Variants in GNAS observed in about 807,000 individuals in gnomAD.
The protein encoded by GNAS is GNAS complex locus.
A neutral mutation model predicts 54.5 loss-of-function variants in GNAS; 8 were observed. That is an observed-to-expected ratio of 0.15 (90% CI 0.09 to 0.26). The LOEUF (loss-of-function observed/expected upper bound fraction) is 0.26, where lower values mean the gene tolerates loss of function less well. GNAS is among the 10% of genes least tolerant of loss of function. GNAS has a pLI of 1.00. For synonymous variants in GNAS, 204 were observed against 191.4 expected, an observed-to-expected ratio of 1.07 and a Z score of -0.54; for missense variants, 170 against 529.8, an observed-to-expected ratio of 0.32 and a Z score of 6.67.
At chr20:58,855,799 T>A (rs2086468775) in intron 1 of GNAS, 2 of 606,572 alleles carry the variant, frequency 3.3e-6, no homozygotes, top group East Asian at 5.5e-5. Context: ...TTGGTGTGTG[T>A]TGGTGTCCAT....
At chr20:58,868,433 C>T (rs549125688) in intron 1 of GNAS, among the ~76,000 whole-genome samples, 26 of 151,880 alleles carry the variant, frequency 1.7e-4, no homozygotes, top group African/African-American at 4.8e-4. Context: ...GGATTACAGG[C>T]GTGAACCACC....
In GNAS at chr20:58,873,240, G is replaced by A. The variant is rs1342748186; in HGVS notation, c.44-22372G>A. On this transcript the variant is annotated intron_variant, in intron 1 of 12. Coordinates refer to the GNAS transcript ENST00000306090. This position sits in a 1 kb window ranked among gnomAD's most constrained non-coding sequence, Gnocchi z 4.3. ...AAAATGGGCCTTCTGTGACATTTTGGAATTGTCAGGGAGTTAGGGGTCACG... is the reference window on the plus strand; with the variant it reads ...AAAATGGGCCTTCTGTGACATTTTGAAATTGTCAGGGAGTTAGGGGTCACG... Among the ~76,000 whole-genome samples the A allele has an allele frequency of 6.6e-6, 1 of 152,056 alleles. No individual in the cohort carries two copies. The highest frequency in any genetic ancestry group is 1.5e-5 in the Non-Finnish European group (1 of 67,986).
At chr20:58,867,593 C>G (rs1401618276) in intron 1 of GNAS, 1 of 152,204 alleles carries the variant, frequency 6.6e-6, no homozygotes, top group African/African-American at 2.4e-5. Context: ...ACAAACAGCA[C>G]TGGGTTAGAA....
At chr20:58,898,620 A>G (rs975093017) in intron 2 of GNAS, 2 of 455,866 alleles carry the variant, frequency 4.4e-6, no homozygotes, top group African/African-American at 1.9e-5. Flanking sequence ...TCACTGCTTT[A>G]GCTCCCTAAT....
intron 2 of GNAS, among the ~76,000 whole-genome samples, chr20:58,896,853 G>GGTA (rs1236783283): frequency 1.3e-5 from 2 of 151,970 alleles, no homozygotes; most frequent in Non-Finnish European, 2.9e-5. Flanking sequence ...GAGTCAAGGT[G>GGTA]GTAGCGTTTA....
rs893327176 is a variant in GNAS at position 58,910,710 on chromosome 20, C to T, written c.1066C>T (p.Arg356Cys). Residue 356 changes from arginine to cysteine, a missense_variant, in exon 13 of 13, where the codon CGT becomes TGT. This residue lies in a region of GNAS where 36 missense variants were observed against 223.0 expected (regional missense o/e 0.16). Transcript: ENST00000371085. The surrounding 1 kb of genome is among the most constrained non-coding windows in gnomAD (Gnocchi z 5.8). The part of the protein sequence containing the change: ...LRISTASGDG[R>C]HYCYPHFTCA... Reference sequence around the variant, plus strand: ...GATCAGCACTGCCAGTGGAGATGGGCGTCACTACTGCTACCCTCATTTCAC... The same window carrying T: ...GATCAGCACTGCCAGTGGAGATGGGTGTCACTACTGCTACCCTCATTTCAC... 2 of 1,613,974 alleles carry T rather than the reference C, an allele frequency of 1.2e-6. No individual in the cohort carries two copies. The highest frequency in any genetic ancestry group is 1.7e-6 in the Non-Finnish European group (2 of 1,179,972).
At chr20:58,874,608 C>T (rs2087671834) in intron 1 of GNAS, among the ~76,000 whole-genome samples, 1 of 152,088 alleles carries the variant, frequency 6.6e-6, no homozygotes, top group Admixed American at 6.5e-5. Context: ...AGCTCCTGGC[C>T]TGCCCTCCAT....
chr20:58,874,036 T>C (rs1170078626), intron 1 of GNAS, among the ~76,000 whole-genome samples: 1 of 152,222 alleles, frequency 6.6e-6, no homozygotes, highest in East Asian at 1.9e-4. Context: ...AAGCAACATT[T>C]GACAGGCACA....
chr20:58,880,525 T>C (rs930624695), intron 1 of GNAS, among the ~76,000 whole-genome samples: 1 of 152,188 alleles, frequency 6.6e-6, no homozygotes, highest in African/African-American at 2.4e-5. Context: ...GATGGGTCTT[T>C]GCTAGACAAA....
chr20:58,855,553 G>A (rs1372701286), intron 1 of GNAS: 1 of 718,772 alleles, frequency 1.4e-6, no homozygotes, highest in East Asian at 2.7e-5. Flanking sequence ...ATGCCCTCCA[G>A]GGAGAAAAGT....
intron 1 of GNAS, chr20:58,892,076 G>A (rs1253677441): frequency 2.1e-6 from 2 of 962,474 alleles, no homozygotes; most frequent in African/African-American, 1.8e-5. Flanking sequence ...GCGGGGGGCC[G>A]TGGCGACGCG....
At position 58,854,641 on chromosome 20, in the gene GNAS, C is replaced by G. The variant is rs148033592; in HGVS notation, c.43+13755C>G. On this transcript the variant is annotated intron_variant, in intron 1 of 12. Coordinates refer to the GNAS transcript ENST00000306090. ...GCCGATCCCGACTCCGGGGCGGCCC[C>G]TGACGCCCCAGCCGATCCAGATGCC... The G allele has an allele frequency of 0.014, 21,649 of 1,505,282 alleles. 10 individuals carry two copies. Among genetic ancestry groups the G allele is most frequent in the African/African-American group, 0.053 (3,584 of 67,430 alleles). The allele number at this position is 1,505,282 out of a possible 1,614,324, so 93.2% of individuals were successfully genotyped here.
intron 2 of GNAS, 106 bp from the exon 3 acceptor site, chr20:58,898,835 C>A: frequency 9.6e-7 from 1 of 1,040,588 alleles, no homozygotes; most frequent in Non-Finnish European, 1.5e-6. Flanking sequence ...CGAATTGTTG[C>A]TTTTGCTCTT....
intron 1 of GNAS, among the ~76,000 whole-genome samples, chr20:58,876,063 A>AGTT (rs2087792652): frequency 6.6e-6 from 1 of 152,152 alleles, no homozygotes; most frequent in Non-Finnish European, 1.5e-5. Context: ...CTTAGCTTAG[A>AGTT]GTTACTCAGA....
At chr20:58,894,202 C>T (rs1382424203) in intron 1 of GNAS, among the ~76,000 whole-genome samples, 1 of 152,152 alleles carries the variant, frequency 6.6e-6, no homozygotes, top group Admixed American at 6.5e-5. Context: ...AACTGAGGCA[C>T]GGATCTGTTT....
chr20:58,899,664 C>T (rs1019587399), intron 3 of GNAS, among the ~76,000 whole-genome samples: 15 of 132,672 alleles, frequency 1.1e-4, no homozygotes, highest in South Asian at 6.5e-4. Context: ...CACACACACA[C>T]GCACACACAT....
chr20:58,841,537 G>C lies in GNAS; in HGVS notation c.43+651G>C. ...CCGCGCCAGTGCCTCCAGCTGCCGT[G>C]CGCCAGCCTTGGCCGCCACAGCCCG... On this transcript the variant is annotated intron_variant, in intron 1 of 12. Coordinates refer to the GNAS transcript ENST00000306090. This position sits in a 1 kb window ranked among gnomAD's most constrained non-coding sequence, Gnocchi z 5.0. 1.0e-6 allele frequency: 1 copy of C among 995,506 alleles called. No homozygotes were observed. The highest frequency in any genetic ancestry group is 1.2e-6 in the Non-Finnish European group (1 of 837,154). The allele number at this position is 995,506 out of a possible 1,614,324, so 61.7% of individuals were successfully genotyped here. A position where few individuals can be genotyped will look rare whatever the true frequency, so the allele number is the denominator to read the frequency against.
At chr20:58,840,310 C>T (rs1289595618), upstream of GNAS, 1 of 1,612,856 alleles carries the variant, frequency 6.2e-7, no homozygotes, top group Non-Finnish European at 8.5e-7. The surrounding 1 kb of genome is among the most constrained non-coding windows in gnomAD (Gnocchi z 6.0). Context: ...TTAACGCCCA[C>T]CACCGCTCCG....
At chr20:58,868,524 C>T (rs1234558296) in intron 1 of GNAS, among the ~76,000 whole-genome samples, 2 of 147,768 alleles carry the variant, frequency 1.4e-5, no homozygotes, top group Non-Finnish European at 3.0e-5. Flanking sequence ...TTAAGGCAGG[C>T]TCAAAGTGGG....
Sources: gnomAD v4.1 joint callset for allele counts (sites outside exome capture counted in the v4.1 genomes callset) on GRCh38, gnomAD v4.1.1 for gene constraint, gnomAD v4.1.1 regional missense constraint, Gnocchi (gnomAD v3.1) non-coding constraint, MANE v1.5 for transcripts, NCBI Gene and HGNC (gene_info 2026-07-23, HGNC 2026-07-21) for gene names.